Variants in NGEF observed in about 807,000 individuals in gnomAD.
NGEF encodes neuronal guanine nucleotide exchange factor.
NGEF carries 31 observed loss-of-function variants against 80.9 expected under a neutral mutation model. The observed-to-expected ratio is 0.38, with a 90% CI of 0.29 to 0.52. The LOEUF is 0.52. NGEF is among the 20% of genes least tolerant of loss of function. NGEF has a pLI of 0.84. For missense variants in NGEF, 709 were observed against 926.2 expected (o/e 0.77, Z 3.04); for synonymous variants, 371 against 370.2 (o/e 1.00, Z -0.03).
chr2:233,010,426 C>A (rs1695178579), intron 1 of NGEF, among the ~76,000 whole-genome samples: 1 of 152,188 alleles, frequency 6.6e-6, no homozygotes, highest in African/African-American at 2.4e-5. Context: ...TCAAACCACA[C>A]CCCCAGTTCT....
chr2:232,879,624 G>A lies in NGEF; in HGVS notation c.1998C>T (p.Ser666=), dbSNP rs759894010. ...HDQERGWFPS[S]MTEEILNPKI... ...TGGGATTCAAGATCTCCTCAGTCAT[G>A]GAGCTGGGGAACCAGCCTCTCTCCT... The change falls in exon 15 of 15, where the codon TCC becomes TCT. Residue 666 remains serine, a synonymous_variant. Coordinates refer to ENST00000264051, the MANE Select transcript of NGEF (RefSeq NM_019850.3). The A allele has an allele frequency of 2.5e-6, 4 of 1,613,524 alleles. No individual in the cohort carries two copies. In the East Asian group the frequency reaches 6.7e-5, roughly 27 times the overall value.
rs956376923 is a variant in NGEF, at chr2:232,913,679, G to T, written c.828+6605C>A. On this transcript the variant is annotated intron_variant, in intron 5 of 14. Transcript: ENST00000264051. ...CTCACACCTGTAATCCCAGCACTTT[G>T]GGAGGCCTGAGGCAGGTGATCACGA... Among the ~76,000 whole-genome samples, 4 of 152,144 alleles carry T rather than the reference G, an allele frequency of 2.6e-5. No homozygotes were observed. In the East Asian group the frequency reaches 5.8e-4, roughly 22 times the overall value.
chr2:232,995,374 T>C lies in NGEF; in HGVS notation c.-75+17694A>G, dbSNP rs202037528. Among the ~76,000 whole-genome samples, 16 of 8,192 alleles carry C rather than the reference T, an allele frequency of 2.0e-3. 7 individuals are homozygous for C. Among genetic ancestry groups the C allele is most frequent in the Admixed American group, 0.017 (14 of 810 alleles). 5.4% of individuals were successfully genotyped at this position (8,192 alleles called of 152,430 possible). ...ATGTATACTGTATACTGTATATATA[T>C]ACACAGTATGTATACTGTATACTGT... On this transcript the variant is annotated intron_variant, in intron 1 of 14. Coordinates refer to ENST00000264051, the MANE Select transcript of NGEF (RefSeq NM_019850.3).
Position 232,943,549 on chromosome 2 carries a change from G to A in NGEF, c.384-16363C>T, listed in dbSNP as rs960693656. Among the ~76,000 whole-genome samples the A allele has an allele frequency of 4.9e-5, 6 of 122,784 alleles. No individual in the cohort carries two copies. In the East Asian group the frequency reaches 1.0e-3, roughly 21 times the overall value. The allele number at this position is 122,784 out of a possible 152,430, so 80.6% of individuals were successfully genotyped here. A position where few individuals can be genotyped will look rare whatever the true frequency, so the allele number is the denominator to read the frequency against. On this transcript the variant is annotated intron_variant, in intron 3 of 14. Transcript: ENST00000264051. ...CTCACTCTGTCGCCCAGGCTGGAGT[G>A]CAGTGGCGCGATCTCGGCTCACTGC...
chr2:232,959,471 C>T (rs1218089331), intron 3 of NGEF, among the ~76,000 whole-genome samples: 1 of 151,982 alleles, frequency 6.6e-6, no homozygotes, highest in Non-Finnish European at 1.5e-5. Flanking sequence ...CATAGAAATA[C>T]ATACAAGGAA....
chr2:232,950,092 A>G (rs1303403679), intron 3 of NGEF, among the ~76,000 whole-genome samples: 1 of 152,162 alleles, frequency 6.6e-6, no homozygotes, highest in African/African-American at 2.4e-5. Flanking sequence ...GATTACAGGC[A>G]TGAGCCACTG....
rs946003458 is a variant in NGEF at position 232,891,492 on chromosome 2, G to T, written c.1143-5C>A. ...CGGAAAGCTGCCTTCTCCTGGCTGG[G>T]GACACAGACAGGTGGAGTAGGTCTC... On this transcript the variant is annotated splice_region_variant and splice_polypyrimidine_tract_variant and intron_variant, in intron 7 of 14. Transcript: ENST00000264051. 4 of 1,611,862 alleles carry T rather than the reference G, an allele frequency of 2.5e-6. No individual in the cohort carries two copies. The highest frequency in any genetic ancestry group is 3.4e-6 in the Non-Finnish European group (4 of 1,179,308).
At chr2:232,880,814 C>A (rs189934263) in intron 14 of NGEF, among the ~76,000 whole-genome samples, 26 of 54,954 alleles carry the variant, frequency 4.7e-4, no homozygotes, top group African/African-American at 1.4e-3. Flanking sequence ...TGGTTGTCCT[C>A]CCTCCCACTG....
At chr2:233,007,018 CT>C (rs1433223085) in intron 1 of NGEF, among the ~76,000 whole-genome samples, 1 of 152,154 alleles carries the variant, frequency 6.6e-6, no homozygotes, top group African/African-American at 2.4e-5. Flanking sequence ...CTGAGGCGGG[CT>C]GATCACTTGA....
At chr2:233,011,130 G>C (rs1695194005) in intron 1 of NGEF, among the ~76,000 whole-genome samples, 1 of 152,100 alleles carries the variant, frequency 6.6e-6, no homozygotes, top group Non-Finnish European at 1.5e-5. Flanking sequence ...GGGGTTTCTG[G>C]CCTGGCCTCG....
Position 232,879,328 on chromosome 2 carries a change from A to C in NGEF, c.*161T>G, listed in dbSNP as rs73997601. The C allele has an allele frequency of 1.5e-6, 1 of 664,398 alleles. No individual in the cohort carries two copies. Among genetic ancestry groups the C allele is most frequent in the Non-Finnish European group, 2.5e-6 (1 of 393,784 alleles). 41.2% of individuals were successfully genotyped at this position (664,398 alleles called of 1,614,324 possible). On this transcript the variant is annotated 3_prime_UTR_variant, in exon 15 of 15. Coordinates refer to ENST00000264051, the MANE Select transcript of NGEF (RefSeq NM_019850.3). ...CAGTTTGCGAGCAAGGGGCCAAGAC[A>C]CATGAGCACTCACTGCGTGGGCAGG...
chr2:233,004,472 C>G (rs1020057772), intron 1 of NGEF, among the ~76,000 whole-genome samples: 1 of 152,220 alleles, frequency 6.6e-6, no homozygotes, highest in Admixed American at 6.5e-5. Context: ...TGCCCTTCAG[C>G]CCCCTGGAAT....
At chr2:232,926,622 C>T (rs1379931168) in intron 4 of NGEF, among the ~76,000 whole-genome samples, 1 of 152,166 alleles carries the variant, frequency 6.6e-6, no homozygotes, top group Admixed American at 6.5e-5. Context: ...CCCCTTCACA[C>T]GCCTCCTCCT....
intron 1 of NGEF, among the ~76,000 whole-genome samples, chr2:232,982,344 GAACCTA>G (rs2106328555): frequency 6.6e-6 from 1 of 152,278 alleles, no homozygotes; most frequent in African/African-American, 2.4e-5. Flanking sequence ...AGAAGGGCTT[GAACCTA>G]CCATCAAGGG....
At chr2:232,922,011 C>T (rs952241515) in intron 4 of NGEF, among the ~76,000 whole-genome samples, 18 of 152,194 alleles carry the variant, frequency 1.2e-4, no homozygotes, top group Non-Finnish European at 1.2e-4. Context: ...TGGGGTGGAT[C>T]GAGATGTACC....
chr2:232,938,724 G>A (rs1407837560), intron 3 of NGEF, among the ~76,000 whole-genome samples: 1 of 123,192 alleles, frequency 8.1e-6, no homozygotes, highest in Non-Finnish European at 1.6e-5. Flanking sequence ...GGGCAACATA[G>A]TGAGACCCTG....
chr2:232,971,182 T>C (rs1378082164), intron 2 of NGEF, among the ~76,000 whole-genome samples: 1 of 152,198 alleles, frequency 6.6e-6, no homozygotes, highest in East Asian at 1.9e-4. Context: ...TCACACATCG[T>C]GACTCCAGAT....
intron 1 of NGEF, among the ~76,000 whole-genome samples, chr2:233,002,004 A>T (rs1184731758): frequency 1.3e-5 from 2 of 151,962 alleles, no homozygotes; most frequent in Admixed American, 6.5e-5. Flanking sequence ...ACTCTGTCTT[A>T]AAAAATAATA....
rs1011216437 is a variant in NGEF, at chr2:232,879,433, C to T, written c.*56G>A. On this transcript the variant is annotated 3_prime_UTR_variant, in exon 15 of 15. Coordinates refer to ENST00000264051, the MANE Select transcript of NGEF (RefSeq NM_019850.3). Reference sequence around the variant, plus strand: ...GTGCTTCCCAGAGCCCCCCCCCCCCCACCTTCTGTCGGGGTCTCATGCAGG... The same window carrying T: ...GTGCTTCCCAGAGCCCCCCCCCCCCTACCTTCTGTCGGGGTCTCATGCAGG... 20 of 1,418,488 alleles carry T rather than the reference C, an allele frequency of 1.4e-5. No individual in the cohort carries two copies. Among genetic ancestry groups the T allele is most frequent in the South Asian group, 1.1e-4 (8 of 73,946 alleles). 87.9% of individuals were successfully genotyped at this position (1,418,488 alleles called of 1,614,324 possible).
Sources: gnomAD v4.1 joint callset for allele counts (sites outside exome capture counted in the v4.1 genomes callset) on GRCh38, gnomAD v4.1.1 for gene constraint, MANE v1.5 for transcripts, NCBI Gene and HGNC (gene_info 2026-07-23, HGNC 2026-07-21) for gene names.